Variants in ARMH1 observed in about 807,000 individuals in gnomAD.
ARMH1 encodes the protein armadillo-like helical domain containing protein 1.
A neutral mutation model predicts 50.2 loss-of-function variants in ARMH1; 34 were observed. The observed-to-expected ratio is 0.68, with a 90% CI of 0.51 to 0.90. The LOEUF (loss-of-function observed/expected upper bound fraction) is 0.90, where lower values mean the gene tolerates loss of function less well. Ranked by LOEUF, ARMH1 falls within the 40% of genes least tolerant of loss-of-function variation. The pLI is 0.00. For synonymous variants in ARMH1, 221 were observed against 224.2 expected, an observed-to-expected ratio of 0.99 and a Z score of 0.13; for missense variants, 538 against 553.9, an observed-to-expected ratio of 0.97 and a Z score of 0.29.
At chr1:44,713,806 G>T (rs1646724733) in intron 6 of ARMH1, among the ~76,000 whole-genome samples, 1 of 152,112 alleles carries the variant, frequency 6.6e-6, no homozygotes, top group South Asian at 2.1e-4. Flanking sequence ...GGACTGGTTG[G>T]GCTGGGTGAA....
rs1174963243 is a variant in ARMH1, at chr1:44,698,085, C to A, written c.298C>A (p.Leu100Ile). The change falls in exon 4 of 12, where the codon CTT becomes ATT. Residue 100 changes from leucine (L) to isoleucine (I), a missense_variant. Coordinates refer to ENST00000535358, the MANE Select transcript of ARMH1 (RefSeq NM_001145636.2). ...VSSNRYLIEF[L>I]EVGGVLTLLE... ...CAGTAATCGGTACCTTATAGAATTT[C>A]TTGAGGTTGGAGGTGTCCTAACCCT... The A allele has an allele frequency of 6.4e-7, 1 of 1,550,404 alleles. No individual in the cohort carries two copies. The highest frequency in any genetic ancestry group is 1.2e-5 in the South Asian group (1 of 83,854).
At chr1:44,721,720 G>C (rs141714141) in intron 6 of ARMH1, 2 of 152,088 alleles carry the variant, frequency 1.3e-5, no homozygotes, top group South Asian at 2.1e-4. Flanking sequence ...CATTTGTGGA[G>C]CTACCCCAAC....
At position 44,724,120 on chromosome 1, in the gene ARMH1, A is replaced by G; in HGVS notation, c.725-2A>G. On this transcript the variant is annotated splice_acceptor_variant, in intron 6 of 11. Transcript: ENST00000535358. LOFTEE classifies it high-confidence loss of function. The surrounding 1 kb of genome is among the most constrained non-coding windows in gnomAD (Gnocchi z 6.4). Reference sequence around the variant, plus strand: ...CTCTCCAGCACCTCTGCCCTTCCGCAGCCATCGAGTTGATCAAAGACCTGG... The same window carrying G: ...CTCTCCAGCACCTCTGCCCTTCCGCGGCCATCGAGTTGATCAAAGACCTGG... 1 of 1,551,382 alleles carries G rather than the reference A, an allele frequency of 6.4e-7. No individual in the cohort carries two copies. Among genetic ancestry groups the G allele is most frequent in the Non-Finnish European group, 8.7e-7 (1 of 1,146,780 alleles).
intron 1 of ARMH1, among the ~76,000 whole-genome samples, chr1:44,688,486 C>T (rs919085837): frequency 6.6e-6 from 1 of 152,172 alleles, no homozygotes; most frequent in African/African-American, 2.4e-5. Context: ...AGATCTCTGG[C>T]GAAGATGTAG....
Position 44,697,164 on chromosome 1 carries a change from T to A in ARMH1, c.269T>A (p.Val90Glu), listed in dbSNP as rs1282804033. The A allele has an allele frequency of 7.1e-6, 11 of 1,551,474 alleles. No homozygotes were observed. Among genetic ancestry groups the A allele is most frequent in the African/African-American group, 1.4e-5 (1 of 73,024 alleles). ...LRSIGIFLSA[V>E]SSNRYLIEFL... ...TCCATTGGCATCTTCTTATCAGCTGTAAGCAGGTGAGTTCTGTTCTAGCGT... is the reference window on the plus strand; with the variant it reads ...TCCATTGGCATCTTCTTATCAGCTGAAAGCAGGTGAGTTCTGTTCTAGCGT... Residue 90 changes from valine (V) to glutamate (E), a missense_variant, in exon 3 of 12, where the codon GTA (valine) becomes GAA (glutamate). Coordinates refer to ENST00000535358, the MANE Select transcript of ARMH1 (RefSeq NM_001145636.2).
intron 1 of ARMH1, among the ~76,000 whole-genome samples, chr1:44,686,195 T>A (rs1645466687): frequency 6.6e-6 from 1 of 152,180 alleles, no homozygotes; most frequent in Admixed American, 6.6e-5. Flanking sequence ...ATGGAATTAA[T>A]CAGTTACAGA....
At chr1:44,689,588 C>T in intron 1 of ARMH1, 88 bp from the exon 2 acceptor site, 1 of 1,032,232 alleles carries the variant, frequency 9.7e-7, no homozygotes, top group Non-Finnish European at 1.5e-6. Context: ...TAAAGCCACA[C>T]CCTGCCTGCA....
chr1:44,725,476 T>C lies in ARMH1; in HGVS notation c.*73T>C. Reference sequence around the variant, plus strand: ...CCTGGCAAGAGGAAGGCGCCTGGGGTCAAGCTCAGAGCCACTCCACTTGGC... The same window carrying C: ...CCTGGCAAGAGGAAGGCGCCTGGGGCCAAGCTCAGAGCCACTCCACTTGGC... On this transcript the variant is annotated 3_prime_UTR_variant, in exon 12 of 12. Coordinates refer to ENST00000535358, the MANE Select transcript of ARMH1 (RefSeq NM_001145636.2). The C allele has an allele frequency of 6.9e-7, 1 of 1,458,576 alleles. No homozygotes were observed. Among genetic ancestry groups the C allele is most frequent in the Non-Finnish European group, 9.4e-7 (1 of 1,065,300 alleles). The allele number at this position is 1,458,576 out of a possible 1,614,324, so 90.4% of individuals were successfully genotyped here.
rs2148609040 is a variant in ARMH1 at position 44,689,675 on chromosome 1, GC to G, written c.-21del. On this transcript the variant is annotated splice_region_variant and 5_prime_UTR_variant, in exon 2 of 12. Transcript: ENST00000535358. ...CCTGTCTCTTTTCCCTCCCTCTGTA[GC>G]CAACTTCAGGACTGATTGATCATGA... 3.9e-6 allele frequency: 6 copies of G among 1,550,246 alleles called. No individual in the cohort carries two copies. The South Asian group carries it at 6.0e-5, about 15-fold the overall frequency.
chr1:44,699,817 TC>T (rs2148658100), intron 4 of ARMH1, among the ~76,000 whole-genome samples: 1 of 150,554 alleles, frequency 6.6e-6, no homozygotes, highest in East Asian at 2.0e-4. Flanking sequence ...TCTCCCTTTT[TC>T]CTTTTCTTTT....
intron 6 of ARMH1, among the ~76,000 whole-genome samples, chr1:44,719,027 A>T (rs1027274647): frequency 4.1e-5 from 6 of 145,774 alleles, no homozygotes; most frequent in Admixed American, 1.4e-4. Flanking sequence ...CTGTCTCGGA[A>T]AAAAAAAAAA....
chr1:44,721,590 A>G (rs1647144053), intron 6 of ARMH1, among the ~76,000 whole-genome samples: 1 of 152,182 alleles, frequency 6.6e-6, no homozygotes, highest in Non-Finnish European at 1.5e-5. Context: ...TAGGCCGGGC[A>G]CTACAAAAAG....
At chr1:44,721,839 T>G (rs10127448) in intron 6 of ARMH1, 1 of 151,978 alleles carries the variant, frequency 6.6e-6, no homozygotes, top group African/African-American at 2.4e-5. Context: ...ATAGTTGTTT[T>G]TCTCCACGGA....
rs905236665 is a variant in ARMH1, at chr1:44,674,745, T to G, written c.-151T>G. 19 of 260,032 alleles carry G rather than the reference T, an allele frequency of 7.3e-5. No individual in the cohort carries two copies. Among genetic ancestry groups the G allele is most frequent in the Non-Finnish European group, 1.3e-4 (18 of 134,516 alleles). The allele number at this position is 260,032 out of a possible 1,614,324, so 16.1% of individuals were successfully genotyped here. A position where few individuals can be genotyped will look rare whatever the true frequency, so the allele number is the denominator to read the frequency against. On this transcript the variant is annotated 5_prime_UTR_variant, in exon 1 of 12. Coordinates refer to ENST00000535358, the MANE Select transcript of ARMH1 (RefSeq NM_001145636.2). Reference sequence around the variant, plus strand: ...GAGAGGCGGCTGAAGAGTTGCTGTATTCTGGGAATGGGCAGGGTCACTCGT... The same window carrying G: ...GAGAGGCGGCTGAAGAGTTGCTGTAGTCTGGGAATGGGCAGGGTCACTCGT...
chr1:44,705,266 G>A (rs549905091), intron 6 of ARMH1, among the ~76,000 whole-genome samples: 55 of 152,144 alleles, frequency 3.6e-4, no homozygotes, highest in Admixed American at 3.0e-3. Context: ...CGAGGCAGGC[G>A]GATCACCTGA....
intron 6 of ARMH1, among the ~76,000 whole-genome samples, chr1:44,716,791 T>C (rs1372391316): frequency 6.6e-6 from 1 of 151,884 alleles, no homozygotes; most frequent in East Asian, 1.9e-4. Flanking sequence ...ACCACCAGAG[T>C]GGAGGCAGTA....
chr1:44,725,231 G>T lies in ARMH1; in HGVS notation c.1210+14G>T. 1 of 1,551,662 alleles carries T rather than the reference G, an allele frequency of 6.4e-7. No homozygotes were observed. Among genetic ancestry groups the T allele is most frequent in the South Asian group, 1.2e-5 (1 of 84,042 alleles). ...ATGTTACCAAAGGTGAGTGTGGGAC[G>T]AGGGAAGCCGGGCGCAGGCGCCGCC... is the stretch of plus-strand genomic sequence containing the variant. On this transcript the variant is annotated intron_variant, in intron 11 of 11. Coordinates refer to ENST00000535358, the MANE Select transcript of ARMH1 (RefSeq NM_001145636.2).
chr1:44,687,527 A>G (rs1175288313), intron 1 of ARMH1, among the ~76,000 whole-genome samples: 1 of 152,162 alleles, frequency 6.6e-6, no homozygotes, highest in East Asian at 1.9e-4. Flanking sequence ...GTGAGGAGAA[A>G]CTGGAGGGCA....
rs1645317524 is a variant in ARMH1 at position 44,681,625 on chromosome 1, AGAGC to A, written c.-23+6753_-23+6756del. Among the ~76,000 whole-genome samples, 1 of 152,200 alleles carries A rather than the reference AGAGC, an allele frequency of 6.6e-6. No homozygotes were observed. ...CTGAGAAGGCGGGGTGGATGGAGGC[AGAGC>A]TCTGGTAGATGGCTAGAGAAGGAGA... On this transcript the variant is annotated intron_variant, in intron 1 of 11. Coordinates refer to ENST00000535358, the MANE Select transcript of ARMH1 (RefSeq NM_001145636.2). This position sits in a 1 kb window ranked among gnomAD's most constrained non-coding sequence, Gnocchi z 4.3.
Sources: allele counts gnomAD v4.1 joint callset (sites outside exome capture counted in the v4.1 genomes callset), GRCh38; gene constraint gnomAD v4.1.1; non-coding constraint Gnocchi (gnomAD v3.1); transcripts MANE v1.5; gene names NCBI Gene and HGNC (gene_info 2026-07-23, HGNC 2026-07-21).